The following MIS18A variants were observed in gnomAD, a reference collection of about 807,000 sequenced individuals.
MIS18A encodes protein Mis18-alpha.
In MIS18A, 14 loss-of-function variants were observed where a neutral mutation model predicts 25.0. That is an observed-to-expected ratio of 0.56 (90% CI 0.37 to 0.88). MIS18A has a LOEUF of 0.88. Among genes scored for constraint, MIS18A ranks in the 40% least tolerant of loss-of-function variants. MIS18A has a pLI of 0.00. For synonymous variants in MIS18A, 134 were observed against 118.6 expected, an observed-to-expected ratio of 1.13 and a Z score of -0.84; for missense variants, 292 against 290.8, an observed-to-expected ratio of 1.00 and a Z score of -0.03.
intron 1 of MIS18A, among the ~76,000 whole-genome samples, chr21:32,275,706 G>T (rs2031796127): frequency 6.6e-6 from 1 of 152,084 alleles, no homozygotes; most frequent in Non-Finnish European, 1.5e-5. Flanking sequence ...CCTTAACTCG[G>T]TAAACTCCAA....
the MIS18A span, among the ~76,000 whole-genome samples, chr21:32,178,225 C>A: frequency 6.6e-6 from 1 of 151,926 alleles, no homozygotes; most frequent in Non-Finnish European, 1.5e-5. Flanking sequence ...TCATTTCCAG[C>A]AATTTTTTTT....
chr21:32,243,949 G>A, the MIS18A span, among the ~76,000 whole-genome samples: 1,131 of 151,810 alleles, frequency 7.5e-3, 13 homozygotes, highest in African/African-American at 0.026. Flanking sequence ...GCGAGACCCC[G>A]ACTCAAAAAA....
At chr21:32,205,687 G>T in the MIS18A span, among the ~76,000 whole-genome samples, 8 of 152,160 alleles carry the variant, frequency 5.3e-5, no homozygotes, top group Non-Finnish European at 1.0e-4. Context: ...CTAATGATAT[G>T]TATTTTACTT....
the MIS18A span, among the ~76,000 whole-genome samples, chr21:32,220,470 G>A: frequency 6.6e-6 from 1 of 152,258 alleles, no homozygotes; most frequent in East Asian, 1.9e-4. Flanking sequence ...AACCCCATCC[G>A]AAGGTCACCA....
the MIS18A span, among the ~76,000 whole-genome samples, chr21:32,175,330 T>C: frequency 6.6e-6 from 1 of 152,132 alleles, no homozygotes; most frequent in East Asian, 1.9e-4. Flanking sequence ...AATGTGAAGG[T>C]CTCAGACATT....
At chr21:32,262,207 C>G in the MIS18A span, among the ~76,000 whole-genome samples, 1 of 152,174 alleles carries the variant, frequency 6.6e-6, no homozygotes, top group African/African-American at 2.4e-5. Flanking sequence ...ATACATGGAG[C>G]CCCAAGCACA....
downstream of MIS18A, among the ~76,000 whole-genome samples, chr21:32,267,390 A>G (rs59054082): frequency 0.029 from 4,387 of 152,310 alleles, 206 homozygotes; most frequent in African/African-American, 0.1. Context: ...TGGAAAGGTA[A>G]TCAAAGGCCC....
the MIS18A span, among the ~76,000 whole-genome samples, chr21:32,246,156 C>T: frequency 6.6e-6 from 1 of 152,148 alleles, no homozygotes; most frequent in African/African-American, 2.4e-5. Context: ...GAGAAATCCG[C>T]CCCATCATCA....
the MIS18A span, among the ~76,000 whole-genome samples, chr21:32,197,993 C>T: frequency 1.3e-5 from 2 of 152,236 alleles, no homozygotes; most frequent in African/African-American, 2.4e-5. Context: ...AAAAACAGAT[C>T]TGTCTAGTGA....
the MIS18A span, among the ~76,000 whole-genome samples, chr21:32,177,250 C>A: frequency 6.6e-6 from 1 of 152,140 alleles, no homozygotes; most frequent in African/African-American, 2.4e-5. Context: ...AATAAAATTT[C>A]ATCTCTATTC....
the MIS18A span, among the ~76,000 whole-genome samples, chr21:32,234,088 G>A: frequency 6.6e-6 from 1 of 152,202 alleles, no homozygotes; most frequent in Non-Finnish European, 1.5e-5. Context: ...TAATAACAAT[G>A]TGTCAACATC....
At chr21:32,166,157 A>G in the MIS18A span, among the ~76,000 whole-genome samples, 1 of 152,206 alleles carries the variant, frequency 6.6e-6, no homozygotes, top group Non-Finnish European at 1.5e-5. Context: ...AGTGTTCTAC[A>G]TGTACTATGG....
the MIS18A span, among the ~76,000 whole-genome samples, chr21:32,226,972 TA>T: frequency 6.6e-6 from 1 of 151,952 alleles, no homozygotes. Flanking sequence ...AACACAATTC[TA>T]AAAAAATCAG....
At chr21:32,183,100 G>A in the MIS18A span, among the ~76,000 whole-genome samples, 1 of 152,180 alleles carries the variant, frequency 6.6e-6, no homozygotes, top group South Asian at 2.1e-4. Flanking sequence ...GGCAGGAGCT[G>A]GTCCTGTCTT....
the MIS18A span, among the ~76,000 whole-genome samples, chr21:32,160,672 G>A: frequency 0.014 from 2,162 of 149,960 alleles, 53 homozygotes; most frequent in African/African-American, 0.051. Flanking sequence ...TTAAGACAGA[G>A]TTTCGCTGGA....
the MIS18A span, among the ~76,000 whole-genome samples, chr21:32,187,949 C>T: frequency 5.9e-5 from 9 of 152,110 alleles, no homozygotes; most frequent in Admixed American, 5.9e-4. Flanking sequence ...GGGTCGGGCC[C>T]CCATGATGAG....
At chr21:32,250,869 C>A in the MIS18A span, among the ~76,000 whole-genome samples, 1 of 152,208 alleles carries the variant, frequency 6.6e-6, no homozygotes, top group Non-Finnish European at 1.5e-5. Context: ...TGTGCCCCCA[C>A]CCAAACCTCA....
chr21:32,205,097 C>CTTTTTTTTTTTTT, the MIS18A span, among the ~76,000 whole-genome samples: 1 of 66,182 alleles, frequency 1.5e-5, no homozygotes, highest in Non-Finnish European at 2.5e-5. Flanking sequence ...AGAACTTGTC[C>CTTTTTTTTTTTTT]TTTTTTTTTT....
At chr21:32,212,291 T>C in the MIS18A span, among the ~76,000 whole-genome samples, 6 of 152,220 alleles carry the variant, frequency 3.9e-5, no homozygotes, top group Non-Finnish European at 7.3e-5. Context: ...TAATGTGTCC[T>C]GAAAACGCAG....
Sources: gnomAD v4.1 joint callset for allele counts (sites outside exome capture counted in the v4.1 genomes callset) on GRCh38, gnomAD v4.1.1 for gene constraint, MANE v1.5 for transcripts, NCBI Gene and HGNC (gene_info 2026-07-23, HGNC 2026-07-21) for gene names.